The following CDH13 variants were observed in gnomAD, a reference collection of about 807,000 sequenced individuals.
The protein encoded by CDH13 is cadherin 13, also known as cadherin-13.
A neutral mutation model predicts 63.8 loss-of-function variants in CDH13; 24 were observed. The observed-to-expected ratio is 0.38, with a 90% CI of 0.27 to 0.53. CDH13 has a LOEUF of 0.53. CDH13 is among the 20% of genes least tolerant of loss of function. The pLI is 0.85. For synonymous variants in CDH13, 503 were observed against 355.3 expected (o/e 1.42, Z -4.67); for missense variants, 1,049 against 903.1 (o/e 1.16, Z -2.07).
chr16:82,871,940 T>C (rs908137709), intron 2 of CDH13, among the ~76,000 whole-genome samples: 2 of 152,190 alleles, frequency 1.3e-5, no homozygotes, highest in Non-Finnish European at 2.9e-5. Context: ...ATCTCAAGGC[T>C]GACCGTCCTT....
intron 2 of CDH13, among the ~76,000 whole-genome samples, chr16:82,937,052 A>G (rs2042690726): frequency 6.6e-6 from 1 of 152,196 alleles, no homozygotes; most frequent in Non-Finnish European, 1.5e-5. Flanking sequence ...CTCATGCATC[A>G]TTAAACAGAG....
chr16:83,120,612 C>G (rs2035522530), intron 3 of CDH13, among the ~76,000 whole-genome samples: 1 of 152,224 alleles, frequency 6.6e-6, no homozygotes, highest in East Asian at 1.9e-4. Context: ...TCATCTGAGG[C>G]TCAAGATATT....
intron 3 of CDH13, among the ~76,000 whole-genome samples, chr16:83,122,770 A>G (rs2035641309): frequency 1.3e-5 from 2 of 152,216 alleles, no homozygotes; most frequent in Admixed American, 6.5e-5. Context: ...AAAATTACCT[A>G]GTATCGGAAG....
chr16:83,156,763 T>A (rs2037223706), intron 4 of CDH13, among the ~76,000 whole-genome samples: 1 of 152,194 alleles, frequency 6.6e-6, no homozygotes, highest in African/African-American at 2.4e-5. Context: ...ATAAATCCTA[T>A]GCTCCTTTAT....
chr16:82,715,039 G>A (rs1192640687), intron 1 of CDH13, among the ~76,000 whole-genome samples: 1 of 145,956 alleles, frequency 6.9e-6, no homozygotes, highest in Non-Finnish European at 1.5e-5. Flanking sequence ...TTTCCACTAT[G>A]TCTAGATCCA....
At chr16:83,295,917 T>C (rs146587663) in intron 5 of CDH13, among the ~76,000 whole-genome samples, 6 of 152,324 alleles carry the variant, frequency 3.9e-5, no homozygotes, top group Admixed American at 3.3e-4. Flanking sequence ...GGAATCAACC[T>C]AAAAATTCAT....
chr16:82,673,457 A>T lies in CDH13; in HGVS notation c.45+46320A>T, dbSNP rs1487366938. Reference sequence around the variant, plus strand: ...AAAATTTTTTGCACAACAAACGTTTATTGAGCACTGACTGTGGCACTTTGC... The same window carrying T: ...AAAATTTTTTGCACAACAAACGTTTTTTGAGCACTGACTGTGGCACTTTGC... On this transcript the variant is annotated intron_variant, in intron 1 of 13. Transcript: ENST00000567109. Among the ~76,000 whole-genome samples the T allele has an allele frequency of 3.3e-5, 5 of 152,176 alleles. No homozygotes were observed. In the East Asian group the frequency reaches 9.6e-4, roughly 29 times the overall value.
intron 11 of CDH13, among the ~76,000 whole-genome samples, chr16:83,756,812 G>A (rs1913547484): frequency 6.6e-6 from 1 of 152,190 alleles, no homozygotes; most frequent in African/African-American, 2.4e-5. Flanking sequence ...AAACTAAAAA[G>A]AGAAGTAGAC....
At chr16:83,112,059 G>T (rs1394983222) in intron 3 of CDH13, among the ~76,000 whole-genome samples, 1 of 152,170 alleles carries the variant, frequency 6.6e-6, no homozygotes, top group Non-Finnish European at 1.5e-5. Context: ...CTAGGGCTTT[G>T]TTCCATTTTT....
At chr16:83,251,346 C>T (rs192949694) in intron 5 of CDH13, among the ~76,000 whole-genome samples, 1 of 152,112 alleles carries the variant, frequency 6.6e-6, no homozygotes, top group African/African-American at 2.4e-5. Flanking sequence ...TGAATTATCA[C>T]GTTATCCTTA....
intron 2 of CDH13, among the ~76,000 whole-genome samples, chr16:82,897,344 C>T (rs769869648): frequency 2.1e-4 from 32 of 152,098 alleles, no homozygotes; most frequent in Non-Finnish European, 4.1e-4. Context: ...ATGGCCACCA[C>T]AGAGATGTAT....
chr16:83,375,198 T>A lies in CDH13; in HGVS notation c.781+30192T>A, dbSNP rs554675869. 5.9e-5 allele frequency among the ~76,000 whole-genome samples: 9 copies of A among 152,350 alleles called. No individual in the cohort carries two copies. In the South Asian group the frequency reaches 1.9e-3, roughly 32 times the overall value. On this transcript the variant is annotated intron_variant, in intron 6 of 13. Transcript: ENST00000567109. ...CAATGAGCTAGGCAAAGCTGTTTAGTTACTTGCGATCTGTTTACATTACAT... is the reference window on the plus strand; with the variant it reads ...CAATGAGCTAGGCAAAGCTGTTTAGATACTTGCGATCTGTTTACATTACAT...
chr16:83,620,585 G>A (rs544393392), intron 8 of CDH13, among the ~76,000 whole-genome samples: 1 of 152,228 alleles, frequency 6.6e-6, no homozygotes, highest in East Asian at 1.9e-4. Context: ...GCCAACATGA[G>A]TAGACGTTTA....
chr16:82,826,831 G>A (rs1240547049), intron 1 of CDH13: 1 of 152,208 alleles, frequency 6.6e-6, no homozygotes, highest in Non-Finnish European at 1.5e-5. Context: ...TTAAAATGTG[G>A]TATTAGCAGA....
At chr16:82,965,389 T>C (rs1440577304) in intron 2 of CDH13, among the ~76,000 whole-genome samples, 1 of 152,234 alleles carries the variant, frequency 6.6e-6, no homozygotes, top group Non-Finnish European at 1.5e-5. Flanking sequence ...ATTTAAGTTT[T>C]CTATGGAGTA....
At chr16:83,100,690 T>C (rs2034433084) in intron 3 of CDH13, among the ~76,000 whole-genome samples, 1 of 152,180 alleles carries the variant, frequency 6.6e-6, no homozygotes, top group African/African-American at 2.4e-5. Flanking sequence ...AATGATCCAC[T>C]GGCATAAGAA....
intron 1 of CDH13, among the ~76,000 whole-genome samples, chr16:82,707,450 C>G (rs2031581586): frequency 6.6e-6 from 1 of 152,186 alleles, no homozygotes; most frequent in Non-Finnish European, 1.5e-5. Flanking sequence ...GAAGTATCCT[C>G]AAGGCACGGA....
At chr16:82,916,411 TA>T (rs916890028) in intron 2 of CDH13, among the ~76,000 whole-genome samples, 1 of 152,010 alleles carries the variant, frequency 6.6e-6, no homozygotes, top group African/African-American at 2.4e-5. Flanking sequence ...CCGTCTCTAC[TA>T]AAAATACAAA....
intron 2 of CDH13, among the ~76,000 whole-genome samples, chr16:83,005,666 T>C (rs1913414637): frequency 6.6e-6 from 1 of 152,240 alleles, no homozygotes; most frequent in Non-Finnish European, 1.5e-5. Flanking sequence ...CAAATTCTCA[T>C]CACAGCTCAT....
Sources: gnomAD v4.1 joint callset for allele counts (sites outside exome capture counted in the v4.1 genomes callset) on GRCh38, gnomAD v4.1.1 for gene constraint, MANE v1.5 for transcripts, NCBI Gene and HGNC (gene_info 2026-07-23, HGNC 2026-07-21) for gene names.